CSNK1G3: variants seen among roughly 807,000 people sequenced by gnomAD.
The protein encoded by CSNK1G3 is casein kinase 1 gamma 3.
Under a neutral mutation model 64.3 loss-of-function variants are expected in CSNK1G3, and 23 were observed. The observed-to-expected ratio is 0.36, with a 90% confidence interval of 0.26 to 0.51. The LOEUF (loss-of-function observed/expected upper bound fraction) is 0.51. Ranked by LOEUF, CSNK1G3 falls within the 20% of genes least tolerant of loss-of-function variation. CSNK1G3 has a pLI of 0.96. For missense variants in CSNK1G3, 357 were observed against 510.5 expected, an observed-to-expected ratio of 0.70 and a Z score of 2.90; for synonymous variants, 158 against 162.2, an observed-to-expected ratio of 0.97 and a Z score of 0.20.
chr5:123,600,599 TG>T (rs1794294858), intron 10 of CSNK1G3, among the ~76,000 whole-genome samples: 1 of 148,206 alleles, frequency 6.7e-6, no homozygotes, highest in Non-Finnish European at 1.5e-5. Context: ...CACTTCAGCC[TG>T]GGTGACCGAA....
At chr5:123,606,354 A>C (rs1795367269) in intron 12 of CSNK1G3, among the ~76,000 whole-genome samples, 1 of 152,106 alleles carries the variant, frequency 6.6e-6, no homozygotes, top group African/African-American at 2.4e-5. Flanking sequence ...ACAACAGCTT[A>C]TGTTTGGGAA....
chr5:123,557,570 G>C lies in CSNK1G3; in HGVS notation c.289+6G>C. Reference sequence around the variant, plus strand: ...TAAGCAGTTAGGATCTGGAGGTAAAGTCTTATATTAATTTTTAAATTTGAA... The same window carrying C: ...TAAGCAGTTAGGATCTGGAGGTAAACTCTTATATTAATTTTTAAATTTGAA... On this transcript the variant is annotated splice_donor_region_variant and intron_variant, in intron 4 of 12. Coordinates refer to ENST00000345990, the Ensembl canonical transcript of CSNK1G3. 1.3e-6 allele frequency: 2 copies of C among 1,548,530 alleles called. No individual in the cohort carries two copies. Among genetic ancestry groups the C allele is most frequent in the Non-Finnish European group, 1.8e-6 (2 of 1,138,080 alleles).
chr5:123,524,476 G>A (rs9327301), intron 1 of CSNK1G3, among the ~76,000 whole-genome samples: 37,220 of 152,088 alleles, frequency 0.24, 4,845 homozygotes, highest in Middle Eastern at 0.29. Flanking sequence ...AAGCAGGGGT[G>A]TGGTTGCAAT....
intron 3 of CSNK1G3, among the ~76,000 whole-genome samples, chr5:123,553,931 A>C (rs1015472576): frequency 6.6e-6 from 1 of 152,224 alleles, no homozygotes; most frequent in South Asian, 2.1e-4. Context: ...CAGCCTTCTT[A>C]TATACATACA....
At chr5:123,517,278 T>G (rs529978725) in intron 1 of CSNK1G3, among the ~76,000 whole-genome samples, 1 of 152,332 alleles carries the variant, frequency 6.6e-6, no homozygotes, top group Non-Finnish European at 1.5e-5. Flanking sequence ...TATTCTTTAG[T>G]TTTATCTTGA....
chr5:123,553,023 G>T, intron 2 of CSNK1G3, 84 bp from the exon 3 acceptor site: 1 of 717,760 alleles, frequency 1.4e-6, no homozygotes. Context: ...AATGTATTAT[G>T]TGCTTTTTTT....
At position 123,572,553 on chromosome 5, in the gene CSNK1G3, G is replaced by A. The variant is rs1788331229; in HGVS notation, c.290-840G>A. Among the ~76,000 whole-genome samples, 4 of 152,140 alleles carry A rather than the reference G, an allele frequency of 2.6e-5. No individual in the cohort carries two copies. In the South Asian group the frequency reaches 6.2e-4, roughly 24 times the overall value. ...AGAGTCTTACCATGTGGAAATTAAG[G>A]TGTAAGCCTGGACTGCAATCTTACA... On this transcript the variant is annotated intron_variant, in intron 4 of 12. Transcript: ENST00000345990.
chr5:123,546,034 C>A, intron 2 of CSNK1G3, 193 bp downstream of exon 2: 1 of 520,686 alleles, frequency 1.9e-6, no homozygotes, highest in Non-Finnish European at 3.4e-6. Context: ...ATAGGAGTGT[C>A]TACTTTAGCC....
chr5:123,560,272 GTAAAAATT>G (rs1332804862), intron 4 of CSNK1G3, among the ~76,000 whole-genome samples: 1 of 152,022 alleles, frequency 6.6e-6, no homozygotes, highest in East Asian at 1.9e-4. Flanking sequence ...GTGCATTGGT[GTAAAAATT>G]TAAAAAAGCC....
intron 1 of CSNK1G3, among the ~76,000 whole-genome samples, chr5:123,513,178 G>A (rs553254615): frequency 6.6e-6 from 1 of 152,248 alleles, no homozygotes; most frequent in East Asian, 1.9e-4. Context: ...TTAGTCAAAG[G>A]TTAGCAAAAT....
intron 1 of CSNK1G3, among the ~76,000 whole-genome samples, chr5:123,530,962 C>T (rs146789247): frequency 4.6e-4 from 70 of 152,196 alleles, no homozygotes; most frequent in South Asian, 8.3e-4. Context: ...TGTGATGTAA[C>T]GGCTAGCCTT....
intron 4 of CSNK1G3, among the ~76,000 whole-genome samples, chr5:123,558,771 C>T (rs1247579058): frequency 5.9e-5 from 9 of 152,080 alleles, no homozygotes; most frequent in South Asian, 4.1e-4. Flanking sequence ...TGGGATAAAA[C>T]GAATTATATG....
chr5:123,545,692 A>C (rs745781220), exon 2 of CSNK1G3: 1 of 1,613,264 alleles, frequency 6.2e-7, no homozygotes. Context: ...GACAAGGACA[A>C]ATCAGATGAT....
At chr5:123,549,248 T>G (rs2150317356) in intron 2 of CSNK1G3, among the ~76,000 whole-genome samples, 1 of 152,336 alleles carries the variant, frequency 6.6e-6, no homozygotes, top group Admixed American at 6.5e-5. Context: ...AGGCACTGAA[T>G]AAGACCAAAC....
intron 2 of CSNK1G3, among the ~76,000 whole-genome samples, chr5:123,546,860 GC>G (rs2150283732): frequency 1.3e-5 from 2 of 152,222 alleles, no homozygotes; most frequent in East Asian, 3.9e-4. Context: ...AATGAAGCAA[GC>G]CAATAAAAGG....
chr5:123,518,055 G>T (rs1356408123), intron 1 of CSNK1G3, among the ~76,000 whole-genome samples: 1 of 151,996 alleles, frequency 6.6e-6, no homozygotes, highest in Non-Finnish European at 1.5e-5. Context: ...TCCCTAATCT[G>T]ATTTCATAAG....
chr5:123,591,042 C>CATACTTAATG (rs1386502804), intron 9 of CSNK1G3, among the ~76,000 whole-genome samples: 2 of 151,548 alleles, frequency 1.3e-5, no homozygotes, highest in African/African-American at 4.8e-5. Context: ...GAAAATGTAG[C>CATACTTAATG]CTAAAAGTAA....
chr5:123,555,690 C>A (rs915072595), intron 3 of CSNK1G3, among the ~76,000 whole-genome samples: 1 of 152,056 alleles, frequency 6.6e-6, no homozygotes, highest in East Asian at 1.9e-4. Context: ...AAATGTCATC[C>A]TGGGGAAGGT....
At chr5:123,550,140 C>A (rs140750862) in intron 2 of CSNK1G3, among the ~76,000 whole-genome samples, 33 of 152,214 alleles carry the variant, frequency 2.2e-4, no homozygotes, top group African/African-American at 7.9e-4. Flanking sequence ...AATGTAATAA[C>A]TAAGGAATAG....
Sources: gnomAD v4.1 joint callset for allele counts (sites outside exome capture counted in the v4.1 genomes callset) on GRCh38, gnomAD v4.1.1 for gene constraint, MANE v1.5 for transcripts, NCBI Gene and HGNC (gene_info 2026-07-23, HGNC 2026-07-21) for gene names.